LYPLAL1: variants seen among roughly 807,000 people sequenced by gnomAD.
LYPLAL1 encodes the protein lysophospholipase-like protein 1.
Under a neutral mutation model 19.7 loss-of-function variants are expected in LYPLAL1, and 23 were observed. The ratio of observed to expected loss-of-function variants is 1.17; its 90% CI spans 0.84 to 1.65. LYPLAL1 has a LOEUF of 1.65. Among genes scored for constraint, LYPLAL1 ranks in the 40% most tolerant of loss-of-function variants. The probability of loss-of-function intolerance (pLI) is 0.00; values close to 1 mark genes in which losing one functional copy is unlikely to be tolerated. For synonymous variants in LYPLAL1, 119 were observed against 96.3 expected (o/e 1.24, Z -1.38); for missense variants, 355 against 279.4 (o/e 1.27, Z -1.93).
At chr1:219,346,010 A>C in the LYPLAL1 span, among the ~76,000 whole-genome samples, 1 of 152,176 alleles carries the variant, frequency 6.6e-6, no homozygotes, top group Non-Finnish European at 1.5e-5. Context: ...TGTACAAGGA[A>C]AGGCTGCCCT....
the LYPLAL1 span, among the ~76,000 whole-genome samples, chr1:219,233,784 A>T: frequency 2.1e-5 from 3 of 146,100 alleles, no homozygotes; most frequent in Non-Finnish European, 3.0e-5. Context: ...AAAAAAAAAG[A>T]TGATAAATTT....
chr1:219,379,726 A>G, the LYPLAL1 span, among the ~76,000 whole-genome samples: 199 of 152,360 alleles, frequency 1.3e-3, 1 homozygote, highest in African/African-American at 4.7e-3. Flanking sequence ...ATTCCATTTT[A>G]TTATTCATTT....
the LYPLAL1 span, among the ~76,000 whole-genome samples, chr1:219,296,240 G>A: frequency 2.6e-5 from 4 of 152,240 alleles, no homozygotes; most frequent in East Asian, 3.9e-4. Context: ...TAGATCCACC[G>A]AGCTTCTGCG....
chr1:219,255,940 T>C, the LYPLAL1 span, among the ~76,000 whole-genome samples: 2 of 151,946 alleles, frequency 1.3e-5, no homozygotes, highest in African/African-American at 4.8e-5. Flanking sequence ...CCATCATATA[T>C]GATTTCTTTT....
At chr1:219,390,736 A>T in the LYPLAL1 span, among the ~76,000 whole-genome samples, 1 of 152,066 alleles carries the variant, frequency 6.6e-6, no homozygotes, top group African/African-American at 2.4e-5. Flanking sequence ...TGAGTTTTTC[A>T]TATTTATTTA....
chr1:219,278,757 A>C, the LYPLAL1 span, among the ~76,000 whole-genome samples: 3 of 152,182 alleles, frequency 2.0e-5, no homozygotes, highest in Admixed American at 2.0e-4. Flanking sequence ...CATCTTGTCT[A>C]CTTGCCTTTT....
the LYPLAL1 span, among the ~76,000 whole-genome samples, chr1:219,339,849 A>G: frequency 6.6e-6 from 1 of 152,084 alleles, no homozygotes; most frequent in Non-Finnish European, 1.5e-5. Context: ...TGAAATATGT[A>G]AAGGCTAGCT....
At chr1:219,276,201 G>A in the LYPLAL1 span, among the ~76,000 whole-genome samples, 1 of 152,060 alleles carries the variant, frequency 6.6e-6, no homozygotes. Flanking sequence ...AATTGGACTT[G>A]CCATTGTGTC....
At chr1:219,424,316 A>C in the LYPLAL1 span, among the ~76,000 whole-genome samples, 6 of 152,322 alleles carry the variant, frequency 3.9e-5, no homozygotes, top group African/African-American at 1.4e-4. Context: ...CTCTGATATG[A>C]CACTTTCTAA....
downstream of LYPLAL1, among the ~76,000 whole-genome samples, chr1:219,213,608 C>T (rs968164086): frequency 6.6e-6 from 1 of 151,950 alleles, no homozygotes; most frequent in Non-Finnish European, 1.5e-5. Flanking sequence ...GTTTTTGAGG[C>T]TTTCTCCATA....
chr1:219,207,005 A>G (rs1658628166), intron 3 of LYPLAL1, among the ~76,000 whole-genome samples: 1 of 151,930 alleles, frequency 6.6e-6, no homozygotes, highest in African/African-American at 2.4e-5. Context: ...TCATTCGTAC[A>G]GCTTAGATGG....
At chr1:219,373,911 T>A in the LYPLAL1 span, among the ~76,000 whole-genome samples, 53 of 145,320 alleles carry the variant, frequency 3.6e-4, 1 homozygote, top group South Asian at 0.011. Flanking sequence ...ACCTTTGGAA[T>A]TCCTTTTGGA....
the LYPLAL1 span, among the ~76,000 whole-genome samples, chr1:219,242,653 A>G: frequency 9.9e-5 from 15 of 152,014 alleles, no homozygotes; most frequent in Non-Finnish European, 1.6e-4. Flanking sequence ...TAGCCACAAA[A>G]TTGACTCACA....
the LYPLAL1 span, among the ~76,000 whole-genome samples, chr1:219,418,127 G>A: frequency 1.1e-4 from 17 of 151,528 alleles, no homozygotes; most frequent in Non-Finnish European, 8.8e-5. Context: ...TACCTATTTG[G>A]AATCAGAAAA....
chr1:219,380,235 G>T, the LYPLAL1 span, among the ~76,000 whole-genome samples: 1 of 152,208 alleles, frequency 6.6e-6, no homozygotes, highest in Non-Finnish European at 1.5e-5. Context: ...TCGAATAAAT[G>T]CCTGTGAAAA....
chr1:219,422,530 G>T, the LYPLAL1 span, among the ~76,000 whole-genome samples: 2 of 152,094 alleles, frequency 1.3e-5, no homozygotes, highest in Non-Finnish European at 2.9e-5. Context: ...TCTTTGTCCA[G>T]AAGAAAATAC....
chr1:219,206,271 A>G (rs184632708), intron 3 of LYPLAL1, among the ~76,000 whole-genome samples: 1 of 152,134 alleles, frequency 6.6e-6, no homozygotes, highest in African/African-American at 2.4e-5. Context: ...TGAAATGTTA[A>G]CTCTTGACAT....
At chr1:219,257,091 T>C in the LYPLAL1 span, among the ~76,000 whole-genome samples, 3 of 152,044 alleles carry the variant, frequency 2.0e-5, no homozygotes, top group African/African-American at 4.8e-5. Context: ...TCAGATGTTC[T>C]GTATCCTTAT....
the LYPLAL1 span, among the ~76,000 whole-genome samples, chr1:219,261,714 G>A: frequency 6.6e-6 from 1 of 152,162 alleles, no homozygotes; most frequent in Non-Finnish European, 1.5e-5. Flanking sequence ...CTGGCTTATA[G>A]GGCTTCTGCT....
Sources: allele counts gnomAD v4.1 joint callset (sites outside exome capture counted in the v4.1 genomes callset), GRCh38; gene constraint gnomAD v4.1.1; transcripts MANE v1.5; gene names NCBI Gene and HGNC (gene_info 2026-07-23, HGNC 2026-07-21).